Variants in NUMB observed in about 807,000 individuals in gnomAD.
NUMB encodes the protein NUMB endocytic adaptor protein, also known as protein numb homolog.
A neutral mutation model predicts 59.7 loss-of-function variants in NUMB; 29 were observed. The ratio of observed to expected loss-of-function variants is 0.49; its 90% CI spans 0.36 to 0.66. The LOEUF is 0.66. Among genes scored for constraint, NUMB ranks in the 30% least tolerant of loss-of-function variants. The probability of loss-of-function intolerance (pLI) is 0.00; values close to 1 mark genes in which losing one functional copy is unlikely to be tolerated. For missense variants in NUMB, 723 were observed against 822.0 expected (o/e 0.88, Z 1.47); for synonymous variants, 288 against 288.2 (o/e 1.00, Z 0.01).
At chr14:73,356,159 G>A (rs1893768916) in intron 3 of NUMB, among the ~76,000 whole-genome samples, 2 of 152,062 alleles carry the variant, frequency 1.3e-5, no homozygotes, top group African/African-American at 4.8e-5. Flanking sequence ...ATGGAAATTT[G>A]TACATGTAGA....
chr14:73,368,903 ACT>A (rs1894521136), intron 2 of NUMB, among the ~76,000 whole-genome samples: 1 of 152,174 alleles, frequency 6.6e-6, no homozygotes, highest in Admixed American at 6.5e-5. Flanking sequence ...AATTCCAACA[ACT>A]CTAACTTCTG....
At chr14:73,429,291 G>C (rs1169022768) in intron 1 of NUMB, among the ~76,000 whole-genome samples, 1 of 152,084 alleles carries the variant, frequency 6.6e-6, no homozygotes, top group Non-Finnish European at 1.5e-5. Context: ...AGAATGCCGT[G>C]AACCCAGGAG....
rs1213977425 is a variant in NUMB at position 73,439,602 on chromosome 14, CTA to C, written c.-233+18889_-233+18890del. Reference sequence around the variant, plus strand: ...GGTTAATACAATCTTTACAACACTTCTATGTTTTTAATCATCACTACAGAACA... The same window carrying C: ...GGTTAATACAATCTTTACAACACTTCTGTTTTTAATCATCACTACAGAACA... On this transcript the variant is annotated intron_variant, in intron 1 of 12. Coordinates refer to ENST00000555238, the MANE Select transcript of NUMB (RefSeq NM_001005743.2). Among the ~76,000 whole-genome samples, 5 of 152,206 alleles carry C rather than the reference CTA, an allele frequency of 3.3e-5. No homozygotes were observed. In the East Asian group the frequency reaches 9.6e-4, roughly 29 times the overall value.
Position 73,430,866 on chromosome 14 carries a change from A to G in NUMB, c.-232-20798T>C, listed in dbSNP as rs1050272793. ...AGGCTGAGGCAGGAGAATGGTGTGA[A>G]CCAGGGAGGCGGAGCTTGCAGTGAG... On this transcript the variant is annotated intron_variant, in intron 1 of 12. Transcript: ENST00000555238. Among the ~76,000 whole-genome samples, 38 of 151,382 alleles carry G rather than the reference A, an allele frequency of 2.5e-4. 1 individual carries two copies. Among genetic ancestry groups the G allele is most frequent in the African/African-American group, 9.0e-4 (37 of 41,202 alleles).
intron 2 of NUMB, among the ~76,000 whole-genome samples, chr14:73,408,895 AAG>A (rs1896794737): frequency 6.6e-6 from 1 of 151,356 alleles, no homozygotes; most frequent in East Asian, 1.9e-4. Flanking sequence ...AAAAAAAAGA[AAG>A]AAAGAAAGAA....
chr14:73,414,083 T>A lies in NUMB; in HGVS notation c.-232-4015A>T, dbSNP rs1897018312. Among the ~76,000 whole-genome samples, 2 of 151,848 alleles carry A rather than the reference T, an allele frequency of 1.3e-5. 1 individual carries two copies. The highest frequency in any genetic ancestry group is 4.2e-4 in the South Asian group (2 of 4,816). ...GATTCTCATGCCTCAGCCTCCTGAG[T>A]AGCTGAGACTACAGGCACATGCCAC... On this transcript the variant is annotated intron_variant, in intron 1 of 12. Transcript: ENST00000555238.
intron 1 of NUMB, among the ~76,000 whole-genome samples, chr14:73,422,481 G>A (rs1279791520): frequency 1.3e-5 from 2 of 152,164 alleles, no homozygotes; most frequent in African/African-American, 4.8e-5. Flanking sequence ...GGTAAAGAAG[G>A]TCTATTTGTT....
intron 1 of NUMB, among the ~76,000 whole-genome samples, chr14:73,447,960 C>A (rs1220209612): frequency 6.6e-6 from 1 of 151,966 alleles, no homozygotes; most frequent in African/African-American, 2.4e-5. Context: ...CCACACCCAG[C>A]TACTTTTTTG....
At chr14:73,415,708 C>T (rs1897100769) in intron 1 of NUMB, among the ~76,000 whole-genome samples, 2 of 152,062 alleles carry the variant, frequency 1.3e-5, no homozygotes, top group Admixed American at 1.3e-4. Context: ...CTCAAGTGAT[C>T]TGCCCTCCTC....
intron 1 of NUMB, among the ~76,000 whole-genome samples, chr14:73,411,262 C>T (rs1221443897): frequency 6.6e-6 from 1 of 152,142 alleles, no homozygotes; most frequent in African/African-American, 2.4e-5. Context: ...CTATGTTGCG[C>T]AGGCTGAATG....
chr14:73,312,071 T>G (rs556414574), intron 6 of NUMB, among the ~76,000 whole-genome samples: 47 of 152,222 alleles, frequency 3.1e-4, no homozygotes, highest in African/African-American at 1.1e-3. Flanking sequence ...AAAATCACCA[T>G]GACATAAAAA....
In NUMB at chr14:73,322,558, C is replaced by A. The variant is rs137896453; in HGVS notation, c.201+572G>T. Among the ~76,000 whole-genome samples the A allele has an allele frequency of 1.5e-4, 23 of 152,224 alleles. No individual in the cohort carries two copies. In the East Asian group the frequency reaches 4.1e-3, roughly 27 times the overall value. ...AAACCTCACCAGGCATCAACACAGACCTCTATCCTCTAGTTTTCCCCAGGA... is the reference window on the plus strand; with the variant it reads ...AAACCTCACCAGGCATCAACACAGAACTCTATCCTCTAGTTTTCCCCAGGA... On this transcript the variant is annotated intron_variant, in intron 5 of 12. Transcript: ENST00000555238.
chr14:73,302,476 G>A (rs1047233964), intron 6 of NUMB, among the ~76,000 whole-genome samples: 2 of 145,320 alleles, frequency 1.4e-5, no homozygotes, highest in Non-Finnish European at 3.0e-5. Flanking sequence ...GAGCAATTTA[G>A]TCTCACTGCA....
At chr14:73,446,202 G>A (rs1883492686) in intron 1 of NUMB, among the ~76,000 whole-genome samples, 1 of 151,866 alleles carries the variant, frequency 6.6e-6, no homozygotes, top group African/African-American at 2.4e-5. Flanking sequence ...TCACTGTGTT[G>A]GCCAGGCTGG....
intron 1 of NUMB, among the ~76,000 whole-genome samples, chr14:73,451,974 A>T (rs1336850290): frequency 6.6e-6 from 1 of 152,218 alleles, no homozygotes; most frequent in Non-Finnish European, 1.5e-5. Flanking sequence ...AACGTAAGAT[A>T]GCCTGAGCAC....
chr14:73,292,634 C>T, intron 8 of NUMB, 100 bp downstream of exon 8: 1 of 1,189,766 alleles, frequency 8.4e-7, no homozygotes, highest in Non-Finnish European at 1.2e-6. Context: ...CTTCCAAGTA[C>T]TTGTTAAAAA....
At chr14:73,339,762 C>A (rs1173782571) in intron 4 of NUMB, among the ~76,000 whole-genome samples, 1 of 150,904 alleles carries the variant, frequency 6.6e-6, no homozygotes, top group Non-Finnish European at 1.5e-5. Context: ...TCACCCACAA[C>A]CCCTATCGTT....
intron 8 of NUMB, among the ~76,000 whole-genome samples, chr14:73,287,962 T>C (rs566099173): frequency 6.6e-6 from 1 of 152,152 alleles, no homozygotes; most frequent in Admixed American, 6.5e-5. Flanking sequence ...AAGCTTCTAG[T>C]TGCCCTTTGG....
In NUMB at chr14:73,279,327, G is replaced by C. The variant is rs1327662408; in HGVS notation, c.1194C>G (p.Ala398=). 2 of 1,614,112 alleles carry C rather than the reference G, an allele frequency of 1.2e-6. No homozygotes were observed. Among genetic ancestry groups the C allele is most frequent in the South Asian group, 2.2e-5 (2 of 91,084 alleles). ...AMPVRETNPW[A]HAPDAANKEI... ...CCTTGTTAGCAGCATCAGGGGCATG[G>C]GCCCAAGGGTTGGTTTCACGCACAG... Residue 398 remains alanine (A), a synonymous_variant, in exon 12 of 13, where the codon GCC becomes GCG. Transcript: ENST00000555238.
Sources: gnomAD v4.1 joint callset for allele counts (sites outside exome capture counted in the v4.1 genomes callset) on GRCh38, gnomAD v4.1.1 for gene constraint, MANE v1.5 for transcripts, NCBI Gene and HGNC (gene_info 2026-07-23, HGNC 2026-07-21) for gene names.